Variants in COL15A1 observed in about 807,000 individuals in gnomAD.
The protein encoded by COL15A1 is collagen alpha-1(XV) chain.
In COL15A1, 111 loss-of-function variants were observed where a neutral mutation model predicts 165.9. The ratio of observed to expected loss-of-function variants is 0.67; its 90% CI spans 0.57 to 0.78. The LOEUF is 0.78. COL15A1 is among the 30% of genes least tolerant of loss of function. COL15A1 has a pLI of 0.00. For synonymous variants in COL15A1, 659 were observed against 674.8 expected (o/e 0.98, Z 0.36); for missense variants, 1,745 against 1,789.7 (o/e 0.98, Z 0.45).
At chr9:99,066,812 T>C in intron 39 of COL15A1, 70 bp from the exon 40 acceptor site, 5 of 1,393,332 alleles carry the variant, frequency 3.6e-6, no homozygotes, top group East Asian at 4.6e-5. Flanking sequence ...TTTGCAGGAA[T>C]GTGAGATGGT....
chr9:99,035,023 G>T lies in COL15A1; in HGVS notation c.2089G>T (p.Gly697Cys), dbSNP rs753282053. ...GCCCTCTTTCCTACAGGGTGACCCT[G>T]GCAACAGAGGCTTACCTGGACCCCC... ...NGSVGEKGDP[G>C]NRGLPGPPGK... Residue 697 changes from glycine (G) to cysteine (C), a missense_variant, in exon 18 of 42, where the codon GGC becomes TGC. By Grantham distance (159) the Gly-to-Cys change is radical. Transcript: ENST00000375001. The T allele has an allele frequency of 6.2e-7, 1 of 1,613,306 alleles. No homozygotes were observed. The highest frequency in any genetic ancestry group is 2.2e-5 in the East Asian group (1 of 44,888).
intron 5 of COL15A1, among the ~76,000 whole-genome samples, chr9:98,993,681 C>A (rs1838490806): frequency 6.6e-6 from 1 of 152,162 alleles, no homozygotes; most frequent in African/African-American, 2.4e-5. Flanking sequence ...AGCTCAGGGT[C>A]CAGAGTGCAC....
At chr9:98,958,694 G>A (rs1210679024) in intron 2 of COL15A1, among the ~76,000 whole-genome samples, 2 of 152,106 alleles carry the variant, frequency 1.3e-5, no homozygotes, top group African/African-American at 2.4e-5. Flanking sequence ...ATTTGCAAGT[G>A]TGGGCTGATA....
chr9:99,004,908 A>G lies in COL15A1; in HGVS notation c.1211A>G (p.Asn404Ser), dbSNP rs1478299261. Residue 404 changes from asparagine (N) to serine (S), a missense_variant, in exon 9 of 42, where the codon AAT (asparagine) becomes AGT (serine). Physicochemically the swap from Asn to Ser is conservative, Grantham distance 46. Coordinates refer to ENST00000375001, the MANE Select transcript of COL15A1 (RefSeq NM_001855.5). ...TGACTTTCTATTCAGGGTCCAGATA[A>G]TGAAGAGCGTTTAGCAGCAACAGCA... ...PEEGVTPGPDNEERLAATAAG... is the reference protein window; with the variant it reads ...PEEGVTPGPDSEERLAATAAG... The G allele has an allele frequency of 6.2e-7, 1 of 1,614,002 alleles. No individual in the cohort carries two copies. The highest frequency in any genetic ancestry group is 1.7e-5 in the Admixed American group (1 of 60,016).
chr9:99,054,668 C>G lies in COL15A1; in HGVS notation c.3031+12C>G. 1 of 1,600,050 alleles carries G rather than the reference C, an allele frequency of 6.2e-7. No homozygotes were observed. Among genetic ancestry groups the G allele is most frequent in the Non-Finnish European group, 8.5e-7 (1 of 1,175,970 alleles). ...CCAGGGACCACCAGGTATTCCAGCT[C>G]TTGTTCTCAATCTTGCCTTTGATTT... On this transcript the variant is annotated intron_variant, in intron 32 of 41. Coordinates refer to ENST00000375001, the MANE Select transcript of COL15A1 (RefSeq NM_001855.5).
chr9:98,949,499 G>A (rs1837643014), intron 2 of COL15A1, among the ~76,000 whole-genome samples: 1 of 152,172 alleles, frequency 6.6e-6, no homozygotes, highest in Non-Finnish European at 1.5e-5. Flanking sequence ...CAGCTACCAA[G>A]AAATGAGGGC....
chr9:99,028,928 A>T (rs1046420013), intron 16 of COL15A1, among the ~76,000 whole-genome samples: 4 of 152,246 alleles, frequency 2.6e-5, no homozygotes, highest in African/African-American at 7.2e-5. Flanking sequence ...TGATAGAAAT[A>T]TTCCTTACTT....
intron 39 of COL15A1, among the ~76,000 whole-genome samples, chr9:99,066,608 T>G (rs1382229685): frequency 2.8e-5 from 4 of 144,542 alleles, no homozygotes; most frequent in Admixed American, 1.4e-4. Context: ...TGTTTTTTTT[T>G]TTTTTTTTTT....
Position 99,066,871 on chromosome 9 carries a change from A to T in COL15A1, c.3652-11A>T. On this transcript the variant is annotated splice_polypyrimidine_tract_variant and intron_variant, in intron 39 of 41. Transcript: ENST00000375001. ...GATTCTGACTGCTCTCTTTTGTCTC[A>T]CATTTTTCAGCTGCATTTGGCTGCT... is the stretch of plus-strand genomic sequence containing the variant. 1.2e-6 allele frequency: 2 copies of T among 1,608,772 alleles called. No individual in the cohort carries two copies. The highest frequency in any genetic ancestry group is 1.7e-6 in the Non-Finnish European group (2 of 1,177,458).
intron 30 of COL15A1, among the ~76,000 whole-genome samples, chr9:99,050,354 T>C (rs1374305096): frequency 6.6e-6 from 1 of 151,400 alleles, no homozygotes; most frequent in Non-Finnish European, 1.5e-5. Context: ...CTCTCCCATT[T>C]TATGATAATG....
rs532825760 is a variant in COL15A1, at chr9:98,984,015, T to C, written c.101-1550T>C. 5.3e-5 allele frequency among the ~76,000 whole-genome samples: 8 copies of C among 152,334 alleles called. No homozygotes were observed. The East Asian group carries it at 1.2e-3, about 22-fold the overall frequency. ...AACCCGCCAAGTCCTCAGAAACCAC[T>C]TAGGTTCTCAGTGGCCTCTGGCCTT... is the stretch of plus-strand genomic sequence containing the variant. On this transcript the variant is annotated intron_variant, in intron 2 of 41. Coordinates refer to ENST00000375001, the MANE Select transcript of COL15A1 (RefSeq NM_001855.5).
chr9:98,960,760 G>A (rs549955482), intron 2 of COL15A1, among the ~76,000 whole-genome samples: 171 of 152,356 alleles, frequency 1.1e-3, no homozygotes, highest in African/African-American at 4.1e-3. Context: ...ACAGTGCCTG[G>A]CACATGGAAA....
chr9:98,988,966 A>T (rs1048258368), intron 4 of COL15A1, among the ~76,000 whole-genome samples: 3 of 151,646 alleles, frequency 2.0e-5, no homozygotes, highest in African/African-American at 7.3e-5. Context: ...TAAAACAAAT[A>T]ACCAACCATG....
rs199502294 is a variant in COL15A1, at chr9:99,018,640, TAATTG to T, written c.1648-1744_1648-1740del. Among the ~76,000 whole-genome samples the T allele has an allele frequency of 1.5e-3, 226 of 152,308 alleles. 3 individuals carry two copies. In the East Asian group the frequency reaches 0.034, roughly 23 times the overall value. ...ATTTAATTAGCCAACAATAGAAGAT[TAATTG>T]AATTAAAGTATATTCAAACAATGGA... On this transcript the variant is annotated intron_variant, in intron 11 of 41. Coordinates refer to ENST00000375001, the MANE Select transcript of COL15A1 (RefSeq NM_001855.5).
chr9:99,023,788 T>A (rs2119014163), intron 14 of COL15A1, among the ~76,000 whole-genome samples: 1 of 152,078 alleles, frequency 6.6e-6, no homozygotes, highest in East Asian at 1.9e-4. Context: ...CTTTCAATCC[T>A]CCCTCCCCCT....
At chr9:99,047,676 C>T (rs1839514178) in intron 26 of COL15A1, 110 bp from the exon 27 acceptor site, 1 of 1,136,502 alleles carries the variant, frequency 8.8e-7, no homozygotes, top group Non-Finnish European at 1.3e-6. Flanking sequence ...CTCCTTCCTC[C>T]TGTCAGTGGA....
chr9:99,064,076 C>A (rs933560591), intron 39 of COL15A1, among the ~76,000 whole-genome samples: 1 of 152,052 alleles, frequency 6.6e-6, no homozygotes, highest in African/African-American at 2.4e-5. Context: ...CTCTATAGAC[C>A]ACCTTCTGAA....
chr9:99,035,550 G>A (rs950419550), intron 19 of COL15A1, 132 bp downstream of exon 19: 1 of 1,073,732 alleles, frequency 9.3e-7, no homozygotes, highest in Non-Finnish European at 1.4e-6. Flanking sequence ...CCCCAACTGT[G>A]CAATAGGGAA....
At chr9:98,953,098 G>C (rs899350887) in intron 2 of COL15A1, among the ~76,000 whole-genome samples, 14 of 152,182 alleles carry the variant, frequency 9.2e-5, no homozygotes, top group African/African-American at 3.1e-4. Flanking sequence ...GTTGTAAAAA[G>C]GAGGCAATCT....
Sources: gnomAD v4.1 joint callset for allele counts (sites outside exome capture counted in the v4.1 genomes callset) on GRCh38, gnomAD v4.1.1 for gene constraint, MANE v1.5 for transcripts, NCBI Gene and HGNC (gene_info 2026-07-23, HGNC 2026-07-21) for gene names.